The following IAH1 variants were observed in gnomAD, a reference collection of about 807,000 sequenced individuals.
IAH1 encodes isoamyl acetate hydrolyzing esterase 1 (putative).
In IAH1, 24 loss-of-function variants were observed where a neutral mutation model predicts 26.7. The ratio of observed to expected loss-of-function variants is 0.90; its 90% CI spans 0.65 to 1.26. The LOEUF is 1.26. Among genes scored for constraint, IAH1 ranks in the 50% most tolerant of loss-of-function variants. IAH1 has a pLI of 0.00. For missense variants in IAH1, 300 were observed against 299.9 expected (o/e 1.00, Z 0.00); for synonymous variants, 140 against 118.5 (o/e 1.18, Z -1.18).
At chr2:9,504,832 A>G in the IAH1 span, among the ~76,000 whole-genome samples, 1 of 151,202 alleles carries the variant, frequency 6.6e-6, no homozygotes, top group African/African-American at 2.4e-5. Flanking sequence ...AAGGTCAAGG[A>G]TTTTGTTACA....
chr2:9,503,063 C>T, the IAH1 span, among the ~76,000 whole-genome samples: 2 of 149,926 alleles, frequency 1.3e-5, no homozygotes, highest in Non-Finnish European at 3.0e-5. Context: ...TAGCTTGAAC[C>T]TGGAAGGCAG....
At position 9,474,951 on chromosome 2, in the gene IAH1, C is replaced by G; in HGVS notation, c.81+304C>G. On this transcript the variant is annotated intron_variant, in intron 1 of 5. Coordinates refer to ENST00000497473, the MANE Select transcript of IAH1 (RefSeq NM_001039613.3). The surrounding 1 kb of genome is among the most constrained non-coding windows in gnomAD (Gnocchi z 4.3). ...CCCGGGTCGAGATGCGCGGTCTTCC[C>G]CTCAGCGCCCTCCTGGGCAGCGGCC... is the stretch of plus-strand genomic sequence containing the variant. The G allele has an allele frequency of 1.0e-6, 1 of 989,114 alleles. No homozygotes were observed. 61.3% of individuals were successfully genotyped at this position (989,114 alleles called of 1,614,324 possible). A position where few individuals can be genotyped will look rare whatever the true frequency, so the allele number is the denominator to read the frequency against.
chr2:9,492,699 A>G (rs1662259158), downstream of IAH1, among the ~76,000 whole-genome samples: 1 of 152,190 alleles, frequency 6.6e-6, no homozygotes. Context: ...CCAACACACA[A>G]AAATAGTATT....
chr2:9,482,823 C>T (rs1166018660), intron 4 of IAH1, among the ~76,000 whole-genome samples: 1 of 152,192 alleles, frequency 6.6e-6, no homozygotes, highest in African/African-American at 2.4e-5. Flanking sequence ...CCCCAGCCTG[C>T]GGGACGTGGT....
At chr2:9,497,509 TCA>T (rs1662702772), downstream of IAH1, among the ~76,000 whole-genome samples, 1 of 152,188 alleles carries the variant, frequency 6.6e-6, no homozygotes, top group East Asian at 1.9e-4. Context: ...CTTCTGCATC[TCA>T]CAGTCATATA....
downstream of IAH1, among the ~76,000 whole-genome samples, chr2:9,494,311 T>C (rs1241549150): frequency 1.3e-5 from 2 of 152,166 alleles, no homozygotes; most frequent in African/African-American, 2.4e-5. Flanking sequence ...CCCTGAATAA[T>C]TTTGCAATCT....
downstream of IAH1, among the ~76,000 whole-genome samples, chr2:9,491,611 A>G (rs554629952): frequency 9.2e-5 from 14 of 152,268 alleles, no homozygotes; most frequent in African/African-American, 3.1e-4. Flanking sequence ...CTGTCTCCAC[A>G]GTTTCTGTGG....
chr2:9,510,536 C>T, the IAH1 span, among the ~76,000 whole-genome samples: 25 of 152,046 alleles, frequency 1.6e-4, no homozygotes, highest in South Asian at 2.1e-4. Flanking sequence ...TGGAGGCACG[C>T]GCCTGTAATC....
intron 2 of IAH1, among the ~76,000 whole-genome samples, chr2:9,477,907 G>A (rs1660917781): frequency 6.6e-6 from 1 of 152,128 alleles, no homozygotes; most frequent in Non-Finnish European, 1.5e-5. Context: ...TTATCTATCT[G>A]TTGTGAACTC....
rs151009096 is a variant in IAH1 at position 9,476,242 on chromosome 2, G to T, written c.134+203G>T. Among the ~76,000 whole-genome samples the T allele has an allele frequency of 6.6e-5, 10 of 152,364 alleles. 1 individual carries two copies. In the East Asian group the frequency reaches 1.3e-3, roughly 21 times the overall value. ...ATTAGATATTTTAGGGTTGAGCACT[G>T]ATGGCTGGGTAGACTCAGACAAATC... is the stretch of plus-strand genomic sequence containing the variant. On this transcript the variant is annotated intron_variant, in intron 2 of 5. Transcript: ENST00000497473.
chr2:9,475,146 A>C, intron 1 of IAH1: 1 of 1,281,652 alleles, frequency 7.8e-7, no homozygotes, highest in African/African-American at 1.5e-5. Context: ...TTCAGGAATT[A>C]GGTAGAAAAG....
the IAH1 span, chr2:9,505,400 A>G: frequency 1.4e-5 from 22 of 1,567,312 alleles, no homozygotes; most frequent in Non-Finnish European, 1.7e-5. Context: ...ACCCAAAATA[A>G]TATCATAAAA....
intron 4 of IAH1, among the ~76,000 whole-genome samples, 155 bp from the exon 5 acceptor site, chr2:9,484,277 A>G (rs1558481313): frequency 6.6e-6 from 1 of 152,206 alleles, no homozygotes; most frequent in African/African-American, 2.4e-5. Flanking sequence ...GTAACCTGCA[A>G]GGCTCATCAA....
At chr2:9,497,244 A>G, downstream of IAH1, 1 of 1,614,076 alleles carries the variant, frequency 6.2e-7, no homozygotes, top group Non-Finnish European at 8.5e-7. Context: ...ACTCACTGCT[A>G]TTACCTGGAA....
the IAH1 span, among the ~76,000 whole-genome samples, chr2:9,508,588 A>G: frequency 7.2e-5 from 11 of 152,328 alleles, no homozygotes; most frequent in East Asian, 1.9e-4. Context: ...GTTAATGCCC[A>G]TTCCCGTCTC....
At chr2:9,497,290 G>A (rs1662686803), downstream of IAH1, 20 of 1,610,742 alleles carry the variant, frequency 1.2e-5, no homozygotes, top group Non-Finnish European at 1.6e-5. Flanking sequence ...ATGAGTCACA[G>A]GTCCACCAGT....
chr2:9,485,070 A>G (rs1661399332), intron 5 of IAH1: 1 of 153,138 alleles, frequency 6.5e-6, no homozygotes, highest in Non-Finnish European at 1.5e-5. Context: ...AGGACCTGGC[A>G]GTCCACTCCT....
intron 1 of IAH1, chr2:9,475,140 G>A (rs1178852140): frequency 1.6e-6 from 2 of 1,280,866 alleles, no homozygotes; most frequent in African/African-American, 3.0e-5. Flanking sequence ...AACGCCTTCA[G>A]GAATTAGGTA....
chr2:9,493,743 C>A (rs376877494), downstream of IAH1: 27 of 1,612,416 alleles, frequency 1.7e-5, no homozygotes, highest in Non-Finnish European at 2.3e-5. Flanking sequence ...GGGAAATCAC[C>A]TACCAAAAGT....
Sources: gnomAD v4.1 joint callset for allele counts (sites outside exome capture counted in the v4.1 genomes callset) on GRCh38, gnomAD v4.1.1 for gene constraint, Gnocchi (gnomAD v3.1) non-coding constraint, MANE v1.5 for transcripts, NCBI Gene and HGNC (gene_info 2026-07-23, HGNC 2026-07-21) for gene names.